Variants in PTPN13 observed in about 807,000 individuals in gnomAD.
PTPN13 encodes tyrosine-protein phosphatase non-receptor type 13.
In PTPN13, 191 loss-of-function variants were observed where a neutral mutation model predicts 284.0. The observed-to-expected ratio is 0.67, with a 90% CI of 0.60 to 0.76. The LOEUF is 0.76. Among genes scored for constraint, PTPN13 ranks in the 30% least tolerant of loss-of-function variants. The probability of loss-of-function intolerance (pLI) is 0.00; values close to 1 mark genes in which losing one functional copy is unlikely to be tolerated. For synonymous variants in PTPN13, 986 were observed against 1,022.3 expected (o/e 0.96, Z 0.68); for missense variants, 2,797 against 2,939.9 (o/e 0.95, Z 1.12).
intron 1 of PTPN13, among the ~76,000 whole-genome samples, chr4:86,632,972 T>A (rs1722624162): frequency 1.3e-5 from 2 of 151,954 alleles, no homozygotes; most frequent in African/African-American, 4.8e-5. Flanking sequence ...CATGCCCGGC[T>A]GATTTTATTT....
At chr4:86,602,279 C>T (rs974762508) in intron 1 of PTPN13, among the ~76,000 whole-genome samples, 12 of 152,144 alleles carry the variant, frequency 7.9e-5, no homozygotes, top group African/African-American at 2.9e-4. Context: ...GCTCTGTGAC[C>T]TTGCCCAAGT....
chr4:86,675,284 C>T (rs963982174), intron 3 of PTPN13, among the ~76,000 whole-genome samples: 1 of 152,056 alleles, frequency 6.6e-6, no homozygotes, highest in African/African-American at 2.4e-5. Flanking sequence ...TTACCTCATG[C>T]CTCAAAATCT....
At chr4:86,677,853 A>G (rs891761236) in intron 3 of PTPN13, among the ~76,000 whole-genome samples, 2 of 152,172 alleles carry the variant, frequency 1.3e-5, no homozygotes, top group African/African-American at 2.4e-5. Context: ...TTTTAAGTGT[A>G]TATCATCTTA....
chr4:86,635,296 G>A lies in PTPN13; in HGVS notation c.40G>A (p.Gly14Arg), dbSNP rs768686356. Residue 14 changes from glycine to arginine, a missense_variant, in exon 2 of 48, where the codon GGA (glycine) becomes AGA (arginine). Coordinates refer to ENST00000411767, the MANE Select transcript of PTPN13 (RefSeq NM_080683.3). ...AGCTGAGGCCCTGGAGGTTCGGGGT[G>A]GACCACTTCAGGAGGAAGAAATATG... The part of the protein sequence containing the change: ...SLAEALEVRG[G>R]PLQEEEIWAV... 19 of 1,607,298 alleles carry A rather than the reference G, an allele frequency of 1.2e-5. No homozygotes were observed. Among genetic ancestry groups the A allele is most frequent in the Non-Finnish European group, 1.5e-5 (18 of 1,177,232 alleles).
intron 26 of PTPN13, 99 bp downstream of exon 26, chr4:86,765,587 G>A: frequency 3.8e-6 from 3 of 797,686 alleles, no homozygotes; most frequent in East Asian, 2.8e-5. Flanking sequence ...TTCATGATAT[G>A]AAATAAGAAC....
rs202040513 is a variant in PTPN13, at chr4:86,602,694, A to AT, written c.-6+7921dup. Among the ~76,000 whole-genome samples the AT allele has an allele frequency of 4.0e-3, 558 of 138,090 alleles. 5 individuals are homozygous for AT. The highest frequency in any genetic ancestry group is 0.031 in the East Asian group (145 of 4,752). 90.6% of individuals were successfully genotyped at this position (138,090 alleles called of 152,430 possible). A position where few individuals can be genotyped will look rare whatever the true frequency, so the allele number is the denominator to read the frequency against. ...TCAAACTACTATAATTATTTTTCTG[A>AT]TTTTTTTTTTTTTTTTGAGACAAGG... is the stretch of plus-strand genomic sequence containing the variant. On this transcript the variant is annotated intron_variant, in intron 1 of 47. Coordinates refer to ENST00000411767, the MANE Select transcript of PTPN13 (RefSeq NM_080683.3).
chr4:86,807,651 C>G lies in PTPN13; in HGVS notation c.6837C>G (p.Tyr2279Ter). 1 of 1,613,980 alleles carries G rather than the reference C, an allele frequency of 6.2e-7. No individual in the cohort carries two copies. The highest frequency in any genetic ancestry group is 8.5e-7 in the Non-Finnish European group (1 of 1,179,878). The change falls in exon 45 of 48, where the codon TAC (tyrosine) becomes TAG (stop). Residue 2279 changes from tyrosine (Y) to a stop codon, truncating the protein, a stop_gained. Coordinates refer to ENST00000411767, the MANE Select transcript of PTPN13 (RefSeq NM_080683.3). LOFTEE classifies it high-confidence loss of function. Reference sequence around the variant, plus strand: ...CAGTTGGGAAAGAAGAGTTCGTTTACATTGCCTGCCAAGGACCACTGCCTA... The same window carrying G: ...CAGTTGGGAAAGAAGAGTTCGTTTAGATTGCCTGCCAAGGACCACTGCCTA... ...KIPVGKEEFV[Y>*]IACQGPLPTT...
Position 86,767,981 on chromosome 4 carries a change from G to C in PTPN13, c.4489+5G>C, listed in dbSNP as rs1368475012. The C allele has an allele frequency of 6.3e-7, 1 of 1,597,810 alleles. No individual in the cohort carries two copies. The highest frequency in any genetic ancestry group is 1.1e-5 in the South Asian group (1 of 87,330). ...ACTACAGCTTTGTCACTGAAGGTCA[G>C]GCCTTGGGAGACTACAATCTCACCT... On this transcript the variant is annotated splice_donor_5th_base_variant and intron_variant, in intron 28 of 47. Coordinates refer to ENST00000411767, the MANE Select transcript of PTPN13 (RefSeq NM_080683.3).
rs190561983 is a variant in PTPN13 at position 86,734,255 on chromosome 4, C to G, written c.1859-48C>G. On this transcript the variant is annotated intron_variant, in intron 12 of 47. Transcript: ENST00000411767. ...AAAGTGAAGAAATCGGAAGAAAACA[C>G]TAAAGTATTTTTTTATTTTATCTGA... The G allele has an allele frequency of 3.2e-4, 424 of 1,340,572 alleles. No homozygotes were observed. In the African/African-American group the frequency reaches 5.9e-3, roughly 19 times the overall value. The allele number at this position is 1,340,572 out of a possible 1,614,324, so 83.0% of individuals were successfully genotyped here.
chr4:86,757,601 A>C (rs984671603), intron 20 of PTPN13, among the ~76,000 whole-genome samples: 2 of 151,880 alleles, frequency 1.3e-5, no homozygotes, highest in African/African-American at 4.8e-5. Context: ...CTCCATCTCT[A>C]CAAAAATAAA....
chr4:86,805,416 T>C (rs773494204), intron 44 of PTPN13, 47 bp downstream of exon 44: 13 of 1,181,728 alleles, frequency 1.1e-5, no homozygotes, highest in Non-Finnish European at 1.5e-5. Flanking sequence ...CAGTATAATA[T>C]TAATGGATTA....
At chr4:86,771,720 C>T (rs1453275288) in intron 31 of PTPN13, among the ~76,000 whole-genome samples, 185 bp downstream of exon 31, 1 of 152,196 alleles carries the variant, frequency 6.6e-6, no homozygotes, top group Non-Finnish European at 1.5e-5. Flanking sequence ...AACCAATAAG[C>T]TCTCTAGTCA....
intron 20 of PTPN13, among the ~76,000 whole-genome samples, 193 bp from the exon 21 acceptor site, chr4:86,758,067 A>T (rs1429839962): frequency 6.6e-6 from 1 of 152,196 alleles, no homozygotes; most frequent in African/African-American, 2.4e-5. Flanking sequence ...GAATAAATGT[A>T]ATACGTAGTC....
chr4:86,783,095 T>C (rs1741507654), intron 37 of PTPN13, among the ~76,000 whole-genome samples: 1 of 152,220 alleles, frequency 6.6e-6, no homozygotes, highest in African/African-American at 2.4e-5. Flanking sequence ...CAACATGAGC[T>C]GGCTTTAGTG....
chr4:86,763,239 TAGC>T, intron 24 of PTPN13, 49 bp downstream of exon 24: 1 of 1,437,518 alleles, frequency 7.0e-7, no homozygotes, highest in South Asian at 1.3e-5. Flanking sequence ...CAAAGCAAAA[TAGC>T]AGCAAATAAG....
intron 6 of PTPN13, among the ~76,000 whole-genome samples, chr4:86,696,642 G>A (rs917863971): frequency 6.6e-6 from 1 of 151,870 alleles, no homozygotes; most frequent in Non-Finnish European, 1.5e-5. Context: ...ATAAGGAAGC[G>A]TTGACTGTCA....
Position 86,623,865 on chromosome 4 carries a change from CTTAG to C in PTPN13, c.-5-11383_-5-11380del, listed in dbSNP as rs576111234. Among the ~76,000 whole-genome samples the C allele has an allele frequency of 3.3e-3, 509 of 152,222 alleles. 1 individual carries two copies. The highest frequency in any genetic ancestry group is 0.012 in the African/African-American group (492 of 41,552). ...TTCCTGCTATTCCCTAGGCCTCCTT[CTTAG>C]TTATTTTCCTCCATCACATTTATTA... is the stretch of plus-strand genomic sequence containing the variant. On this transcript the variant is annotated intron_variant, in intron 1 of 47. Coordinates refer to ENST00000411767, the MANE Select transcript of PTPN13 (RefSeq NM_080683.3).
intron 13 of PTPN13, 100 bp from the exon 14 acceptor site, chr4:86,734,637 G>GGCA: frequency 7.3e-7 from 1 of 1,377,134 alleles, no homozygotes; most frequent in Non-Finnish European, 9.8e-7. Flanking sequence ...AATAAGCTTA[G>GGCA]TAATAAACTC....
At chr4:86,695,199 T>C (rs545647963) in intron 6 of PTPN13, among the ~76,000 whole-genome samples, 27 of 152,128 alleles carry the variant, frequency 1.8e-4, no homozygotes, top group Non-Finnish European at 3.7e-4. Flanking sequence ...TTCATTGGTA[T>C]AGTAATTTAT....
Sources: allele counts gnomAD v4.1 joint callset (sites outside exome capture counted in the v4.1 genomes callset), GRCh38; gene constraint gnomAD v4.1.1; transcripts MANE v1.5; gene names NCBI Gene and HGNC (gene_info 2026-07-23, HGNC 2026-07-21).